Variants in VRK2 observed in about 807,000 individuals in gnomAD.
The protein encoded by VRK2 is serine/threonine-protein kinase VRK2.
A neutral mutation model predicts 57.6 loss-of-function variants in VRK2; 60 were observed. That is an observed-to-expected ratio of 1.04 (90% CI 0.85 to 1.29). VRK2 has a LOEUF of 1.29. VRK2 is among the 50% of genes most tolerant of loss of function. The pLI is 0.00. For synonymous variants in VRK2, 231 were observed against 199.2 expected, an observed-to-expected ratio of 1.16 and a Z score of -1.35; for missense variants, 705 against 588.1, an observed-to-expected ratio of 1.20 and a Z score of -2.06.
chr2:58,155,914 C>T (rs756111828), intron 12 of VRK2, among the ~76,000 whole-genome samples: 2 of 136,930 alleles, frequency 1.5e-5, no homozygotes, highest in Non-Finnish European at 3.1e-5. Flanking sequence ...GCATGTTTTT[C>T]ATGTTTGTTT....
intron 1 of VRK2, among the ~76,000 whole-genome samples, chr2:58,021,226 T>C (rs536855240): frequency 6.6e-6 from 1 of 152,308 alleles, no homozygotes; most frequent in East Asian, 1.9e-4. Context: ...CCAGTACAAA[T>C]GAGTGAAAAA....
chr2:57,930,849 C>T (rs1399003084), intron 1 of VRK2, among the ~76,000 whole-genome samples: 3 of 152,092 alleles, frequency 2.0e-5, no homozygotes, highest in Non-Finnish European at 2.9e-5. Flanking sequence ...CAGTATTTGT[C>T]GTTCTGTGTC....
intron 1 of VRK2, among the ~76,000 whole-genome samples, chr2:57,959,790 G>A (rs1441295224): frequency 6.6e-6 from 1 of 152,046 alleles, no homozygotes; most frequent in Non-Finnish European, 1.5e-5. Flanking sequence ...TGGCAGCGCT[G>A]AATTCCCATT....
chr2:58,102,166 C>G (rs1214540965), intron 7 of VRK2, among the ~76,000 whole-genome samples: 1 of 151,512 alleles, frequency 6.6e-6, no homozygotes, highest in Non-Finnish European at 1.5e-5. Flanking sequence ...CATAGAGAAA[C>G]TGACAATGGG....
chr2:58,136,100 C>A (rs907664198), intron 10 of VRK2, among the ~76,000 whole-genome samples: 15 of 152,182 alleles, frequency 9.9e-5, no homozygotes, highest in Non-Finnish European at 1.9e-4. Flanking sequence ...TCATCTTAAA[C>A]TTACATTCAC....
rs151136369 is a variant in VRK2, at chr2:57,951,041, G to A, written c.-439+43202G>A. Among the ~76,000 whole-genome samples the A allele has an allele frequency of 5.6e-3, 849 of 152,132 alleles. 12 individuals carry two copies. The highest frequency in any genetic ancestry group is 0.019 in the African/African-American group (793 of 41,484). ...CAGGAGGCAAAGGTTGCAGTGAGCC[G>A]AGATTGCAGCACTGCACTCCAGCCT... is the stretch of plus-strand genomic sequence containing the variant. On this transcript the variant is annotated intron_variant, in intron 1 of 15. Coordinates refer to the VRK2 transcript ENST00000417641.
intron 1 of VRK2, among the ~76,000 whole-genome samples, chr2:57,979,294 C>T (rs1350820017): frequency 6.6e-6 from 1 of 151,068 alleles, no homozygotes; most frequent in East Asian, 1.9e-4. Context: ...AGTGTAAAAG[C>T]ATTCCTATTT....
chr2:58,052,413 G>C (rs1198932092), intron 2 of VRK2, among the ~76,000 whole-genome samples: 1 of 152,016 alleles, frequency 6.6e-6, no homozygotes, highest in African/African-American at 2.4e-5. Flanking sequence ...CATCCAGCCT[G>C]GGCAACTTGG....
chr2:58,072,019 T>C (rs1669424847), intron 2 of VRK2, among the ~76,000 whole-genome samples: 1 of 151,946 alleles, frequency 6.6e-6, no homozygotes, highest in South Asian at 2.1e-4. Context: ...GTGTTAATAT[T>C]TCTTTTTTGG....
intron 1 of VRK2, among the ~76,000 whole-genome samples, chr2:57,988,911 C>G (rs1672679644): frequency 6.6e-6 from 1 of 152,074 alleles, no homozygotes; most frequent in African/African-American, 2.4e-5. Context: ...TAATACAAAC[C>G]CCATATTTAT....
chr2:58,073,781 CA>C (rs1394220082), intron 2 of VRK2, among the ~76,000 whole-genome samples: 2 of 151,718 alleles, frequency 1.3e-5, no homozygotes, highest in African/African-American at 4.8e-5. Flanking sequence ...GTCTGAGTCC[CA>C]AAGCTGAAGA....
intron 1 of VRK2, among the ~76,000 whole-genome samples, chr2:57,910,598 G>C (rs1422161041): frequency 6.6e-6 from 1 of 152,084 alleles, no homozygotes; most frequent in Non-Finnish European, 1.5e-5. Flanking sequence ...TTGTTTATCT[G>C]AATGTGTTTC....
intron 3 of VRK2, among the ~76,000 whole-genome samples, chr2:58,036,169 T>C (rs969690715): frequency 2.6e-5 from 4 of 152,006 alleles, no homozygotes; most frequent in African/African-American, 2.4e-5. Context: ...TGTATGACAC[T>C]TTTTTCTCAC....
At chr2:57,923,311 C>G (rs1670416262) in intron 1 of VRK2, among the ~76,000 whole-genome samples, 1 of 151,932 alleles carries the variant, frequency 6.6e-6, no homozygotes, top group Admixed American at 6.6e-5. Context: ...CCAAACTGTT[C>G]TCCACAGTGA....
At chr2:58,020,382 AT>A (rs1386823541) in intron 1 of VRK2, among the ~76,000 whole-genome samples, 1 of 151,956 alleles carries the variant, frequency 6.6e-6, no homozygotes. Context: ...ATTTTTTAAT[AT>A]TTTTAGAGAC....
chr2:58,100,990 A>G (rs1042508394), intron 7 of VRK2, among the ~76,000 whole-genome samples: 4 of 151,940 alleles, frequency 2.6e-5, no homozygotes, highest in African/African-American at 9.6e-5. Flanking sequence ...GATTAGAGCC[A>G]TATTAAAAAA....
chr2:58,037,646 A>T (rs774076391), intron 3 of VRK2, among the ~76,000 whole-genome samples: 4 of 152,254 alleles, frequency 2.6e-5, no homozygotes, highest in Non-Finnish European at 5.9e-5. Flanking sequence ...AAATTGAGGA[A>T]GTACATTCAT....
Position 58,123,159 on chromosome 2 carries a change from A to T in VRK2, c.602A>T (p.Gln201Leu), listed in dbSNP as rs1181642305. The change falls in exon 8 of 13, where the codon CAG becomes CTG. Residue 201 changes from glutamine to leucine, a missense_variant. Gln to Leu is a moderately radical substitution (Grantham distance 113, BLOSUM62 -2). Transcript: ENST00000340157. ...TATTGTCCCAATGGGAACCACAAAC[A>T]GTATCAGGAAAATCCTAGAAAAGGC... is the stretch of plus-strand genomic sequence containing the variant. ...YRYCPNGNHKQYQENPRKGHN... is the reference protein window; with the variant it reads ...YRYCPNGNHKLYQENPRKGHN... The T allele has an allele frequency of 1.3e-6, 2 of 1,595,128 alleles. No homozygotes were observed. Among genetic ancestry groups the T allele is most frequent in the Admixed American group, 1.8e-5 (1 of 54,520 alleles).
intron 1 of VRK2, among the ~76,000 whole-genome samples, chr2:57,947,039 A>G (rs1671283371): frequency 6.6e-6 from 1 of 152,234 alleles, no homozygotes; most frequent in Non-Finnish European, 1.5e-5. Flanking sequence ...CAAAATGATG[A>G]GGAAAACTTC....
Sources: gnomAD v4.1 joint callset for allele counts (sites outside exome capture counted in the v4.1 genomes callset) on GRCh38, gnomAD v4.1.1 for gene constraint, MANE v1.5 for transcripts, NCBI Gene and HGNC (gene_info 2026-07-23, HGNC 2026-07-21) for gene names.